Variants in DAB2IP observed in about 807,000 individuals in gnomAD.
DAB2IP encodes disabled homolog 2-interacting protein.
Under a neutral mutation model 107.2 loss-of-function variants are expected in DAB2IP, and 28 were observed. The ratio of observed to expected loss-of-function variants is 0.26; its 90% confidence interval spans 0.19 to 0.36. The LOEUF (loss-of-function observed/expected upper bound fraction) is 0.36, where lower values mean the gene tolerates loss of function less well. Ranked by LOEUF, DAB2IP falls within the 10% of genes least tolerant of loss-of-function variation. The pLI, the probability that DAB2IP is intolerant of heterozygous loss-of-function variation, is 1.00. For missense variants in DAB2IP, 1,400 were observed against 1,644.7 expected, an observed-to-expected ratio of 0.85 and a Z score of 2.57; for synonymous variants, 755 against 706.4, an observed-to-expected ratio of 1.07 and a Z score of -1.09.
chr9:121,597,696 A>G (rs969149605), intron 1 of DAB2IP, among the ~76,000 whole-genome samples: 3 of 152,186 alleles, frequency 2.0e-5, no homozygotes, highest in Non-Finnish European at 2.9e-5. Context: ...CCCTTTTTGC[A>G]GAAGATAAAA....
chr9:121,615,569 G>C (rs1042740615), intron 1 of DAB2IP, among the ~76,000 whole-genome samples: 1 of 152,138 alleles, frequency 6.6e-6, no homozygotes, highest in African/African-American at 2.4e-5. Context: ...AGTGTCCAAG[G>C]CTGGGTGGCA....
intron 1 of DAB2IP, among the ~76,000 whole-genome samples, chr9:121,625,074 C>T (rs1330033597): frequency 6.6e-6 from 1 of 152,154 alleles, no homozygotes; most frequent in Non-Finnish European, 1.5e-5. Context: ...GTCAGCCCCT[C>T]TGTGACGTGT....
rs1408214852 is a variant in DAB2IP at position 121,736,268 on chromosome 9, C to A, written c.363-20745C>A. On this transcript the variant is annotated intron_variant, in intron 3 of 15. Coordinates refer to ENST00000408936, the Ensembl canonical transcript of DAB2IP. The surrounding 1 kb of genome is among the most constrained non-coding windows in gnomAD (Gnocchi z 4.6). ...TAAGCCCGACGAACCCGGGGTGGGG[C>A]CAGCGGGCCAAACTGGAATGCGCCG... Among the ~76,000 whole-genome samples the A allele has an allele frequency of 6.6e-6, 1 of 152,282 alleles. No homozygotes were observed. Among genetic ancestry groups the A allele is most frequent in the South Asian group, 2.1e-4 (1 of 4,818 alleles).
At chr9:121,614,474 G>A (rs1401606795) in intron 1 of DAB2IP, among the ~76,000 whole-genome samples, 1 of 150,478 alleles carries the variant, frequency 6.6e-6, no homozygotes, top group Non-Finnish European at 1.5e-5. Context: ...CCAAGTAGCT[G>A]GGATTACAGG....
chr9:121,678,669 T>C lies in DAB2IP; in HGVS notation c.125-9T>C. ...CTTGTTCAACCTCTCTCTCCTCCTCTGTTGGCAGAGTCGCCTCAAGAAAGG... is the reference window on the plus strand; with the variant it reads ...CTTGTTCAACCTCTCTCTCCTCCTCCGTTGGCAGAGTCGCCTCAAGAAAGG... On this transcript the variant is annotated splice_polypyrimidine_tract_variant and intron_variant, in intron 1 of 15. Transcript: ENST00000408936. 1.3e-6 allele frequency: 2 copies of C among 1,538,754 alleles called. No individual in the cohort carries two copies. Among genetic ancestry groups the C allele is most frequent in the Non-Finnish European group, 1.8e-6 (2 of 1,136,848 alleles).
chr9:121,645,253 C>A (rs1451143334), intron 1 of DAB2IP, among the ~76,000 whole-genome samples: 1 of 152,174 alleles, frequency 6.6e-6, no homozygotes, highest in Non-Finnish European at 1.5e-5. Flanking sequence ...TGGCTCCAGG[C>A]TTGGCCATCT....
intron 1 of DAB2IP, among the ~76,000 whole-genome samples, chr9:121,572,536 G>C (rs1829970113): frequency 6.6e-6 from 1 of 152,164 alleles, no homozygotes. Context: ...TTCCTTAGCT[G>C]TCAGCTGAGG....
chr9:121,783,868 C>A, exon 16 of DAB2IP: 1 of 415,710 alleles, frequency 2.4e-6, no homozygotes, highest in Non-Finnish European at 4.4e-6. Flanking sequence ...TCTCTCGGCC[C>A]CTGTCTGTTC....
At chr9:121,642,148 A>G (rs1055256433) in intron 1 of DAB2IP, among the ~76,000 whole-genome samples, 2 of 148,362 alleles carry the variant, frequency 1.3e-5, no homozygotes, top group African/African-American at 5.0e-5. Flanking sequence ...TGACACGATC[A>G]TAGCTCACTG....
rs749166214 is a variant in DAB2IP at position 121,678,673 on chromosome 9, G to A, written c.125-5G>A. On this transcript the variant is annotated splice_polypyrimidine_tract_variant and splice_region_variant and intron_variant, in intron 1 of 15. Transcript: ENST00000408936. Reference sequence around the variant, plus strand: ...TTCAACCTCTCTCTCCTCCTCTGTTGGCAGAGTCGCCTCAAGAAAGGCCGG... The same window carrying A: ...TTCAACCTCTCTCTCCTCCTCTGTTAGCAGAGTCGCCTCAAGAAAGGCCGG... The A allele has an allele frequency of 9.7e-6, 15 of 1,544,766 alleles. No individual in the cohort carries two copies. The Admixed American group carries it at 2.8e-4, about 29-fold the overall frequency.
At chr9:121,692,540 C>CT (rs971410256) in intron 2 of DAB2IP, among the ~76,000 whole-genome samples, 3 of 152,336 alleles carry the variant, frequency 2.0e-5, no homozygotes, top group Admixed American at 1.3e-4. Context: ...CTTCCTGGGG[C>CT]TTCCCTGAAG....
intron 1 of DAB2IP, among the ~76,000 whole-genome samples, chr9:121,625,080 C>T (rs1050550058): frequency 3.9e-5 from 6 of 152,246 alleles, no homozygotes; most frequent in East Asian, 1.9e-4. Flanking sequence ...CCCTCTGTGA[C>T]GTGTCCACAT....
At chr9:121,783,030 G>A (rs1835776048) in exon 16 of DAB2IP, 3 of 1,033,914 alleles carry the variant, frequency 2.9e-6, no homozygotes, top group Non-Finnish European at 3.5e-6. Context: ...ACACAGAGCA[G>A]GAGGTCAGTG....
chr9:121,690,202 T>G (rs779822751), intron 2 of DAB2IP, among the ~76,000 whole-genome samples: 2 of 152,192 alleles, frequency 1.3e-5, no homozygotes, highest in African/African-American at 4.8e-5. Context: ...CCCAGACTTA[T>G]AGACTCCAAA....
At chr9:121,597,503 G>A (rs1830555382) in intron 1 of DAB2IP, among the ~76,000 whole-genome samples, 1 of 152,200 alleles carries the variant, frequency 6.6e-6, no homozygotes, top group Admixed American at 6.5e-5. Flanking sequence ...CAGATGCTGT[G>A]ATTGTACATT....
intron 3 of DAB2IP, among the ~76,000 whole-genome samples, chr9:121,725,487 T>C (rs557542085): frequency 2.0e-5 from 3 of 152,256 alleles, no homozygotes; most frequent in East Asian, 1.9e-4. Context: ...ATTCCAGCCA[T>C]TGTTTCCTGT....
chr9:121,740,858 A>G (rs1316768369), intron 3 of DAB2IP, among the ~76,000 whole-genome samples: 1 of 152,174 alleles, frequency 6.6e-6, no homozygotes, highest in Admixed American at 6.5e-5. Context: ...ACCTCATTTT[A>G]TACATGAGGA....
At chr9:121,774,445 C>A in intron 13 of DAB2IP, 33 bp downstream of exon 13, 1 of 1,562,800 alleles carries the variant, frequency 6.4e-7, no homozygotes, top group South Asian at 1.2e-5. Flanking sequence ...CGGGACAGGG[C>A]GGGGCTGCCT....
At chr9:121,692,696 G>A (rs1277614786) in intron 2 of DAB2IP, among the ~76,000 whole-genome samples, 2 of 152,196 alleles carry the variant, frequency 1.3e-5, no homozygotes, top group Non-Finnish European at 2.9e-5. Flanking sequence ...GTGGCCACCA[G>A]GAAGTCACCA....
Sources: allele counts gnomAD v4.1 joint callset (sites outside exome capture counted in the v4.1 genomes callset), GRCh38; gene constraint gnomAD v4.1.1; non-coding constraint Gnocchi (gnomAD v3.1); transcripts MANE v1.5; gene names NCBI Gene and HGNC (gene_info 2026-07-23, HGNC 2026-07-21).